CABIN1: variants seen among roughly 807,000 people sequenced by gnomAD.
CABIN1 encodes the protein calcineurin-binding protein cabin-1.
CABIN1 carries 133 observed loss-of-function variants against 227.7 expected under a neutral mutation model. The ratio of observed to expected loss-of-function variants is 0.58; its 90% CI spans 0.51 to 0.67. CABIN1 has a LOEUF of 0.67. Among genes scored for constraint, CABIN1 ranks in the 30% least tolerant of loss-of-function variants. CABIN1 has a pLI of 0.00. For missense variants in CABIN1, 2,408 were observed against 2,852.5 expected, an observed-to-expected ratio of 0.84 and a Z score of 3.55; for synonymous variants, 1,086 against 1,155.1, an observed-to-expected ratio of 0.94 and a Z score of 1.21.
At chr22:24,148,836 G>A (rs568267725) in intron 29 of CABIN1, among the ~76,000 whole-genome samples, 16 of 152,332 alleles carry the variant, frequency 1.1e-4, no homozygotes, top group African/African-American at 3.6e-4. Context: ...TGAGCCCAGC[G>A]GAGGCTGTGG....
rs1372058793 is a variant in CABIN1 at position 24,177,730 on chromosome 22, C to T, written c.6432C>T (p.Phe2144=). The change falls in exon 36 of 37, where the codon TTC becomes TTT. Residue 2144 remains phenylalanine (F), a synonymous_variant. Transcript: ENST00000263119. The surrounding 1 kb of genome is among the most constrained non-coding windows in gnomAD (Gnocchi z 4.4). ...TCATCCCCTCCGCCGCCACCAAGTT[C>T]CCCCCTGAGATCACCGTCACGCCAC... ...KLVIPSAATK[F]PPEITVTPPT... is the part of the protein sequence containing the mutation. 3 of 1,612,350 alleles carry T rather than the reference C, an allele frequency of 1.9e-6. No individual in the cohort carries two copies. Among genetic ancestry groups the T allele is most frequent in the Non-Finnish European group, 2.5e-6 (3 of 1,178,706 alleles).
At position 24,039,978 on chromosome 22, in the gene CABIN1, A is replaced by G. The variant is rs184268723; in HGVS notation, c.211-1161A>G. Among the ~76,000 whole-genome samples, 379 of 152,326 alleles carry G rather than the reference A, an allele frequency of 2.5e-3. 1 individual carries two copies. The highest frequency in any genetic ancestry group is 4.3e-3 in the Non-Finnish European group (294 of 68,028). On this transcript the variant is annotated intron_variant, in intron 4 of 36. Transcript: ENST00000263119. ...TGTCCTAGAGGGACTTGCTCGGGCA[A>G]GCCTTTCAGGGTGGATGGAGAGTGG... is the stretch of plus-strand genomic sequence containing the variant.
rs1244414572 is a variant in CABIN1, at chr22:24,166,723, G to A, written c.5092G>A (p.Asp1698Asn). 1.2e-6 allele frequency: 2 copies of A among 1,612,874 alleles called. No individual in the cohort carries two copies. The highest frequency in any genetic ancestry group is 8.5e-7 in the Non-Finnish European group (1 of 1,180,002). Residue 1698 changes from aspartate to asparagine, a missense_variant, in exon 32 of 37, where the codon GAT becomes AAT. By Grantham distance (23) the Asp-to-Asn change is conservative. Around this residue, in one of 3 missense-constraint regions of CABIN1, gnomAD observed 714 missense variants for 773.8 expected, o/e 0.92. Transcript: ENST00000263119. The part of the protein sequence containing the change: ...TDVSHKASPE[D>N]GQEGLPQPKK... ...TGTCTCACACAAGGCCAGTCCTGAGGATGGCCAGGAGGGCCTCCCCCAGCC... is the reference window on the plus strand; with the variant it reads ...TGTCTCACACAAGGCCAGTCCTGAGAATGGCCAGGAGGGCCTCCCCCAGCC...
chr22:24,119,511 A>G lies in CABIN1; in HGVS notation c.4445A>G (p.Lys1482Arg). The G allele has an allele frequency of 6.2e-7, 1 of 1,614,036 alleles. No individual in the cohort carries two copies. The highest frequency in any genetic ancestry group is 8.5e-7 in the Non-Finnish European group (1 of 1,180,030). Residue 1482 changes from lysine to arginine, a missense_variant, in exon 28 of 37, where the codon AAG (lysine) becomes AGG (arginine). This residue lies in a region of CABIN1 where 649 missense variants were observed against 910.3 expected (regional missense o/e 0.71). Coordinates refer to ENST00000263119, the MANE Select transcript of CABIN1 (RefSeq NM_012295.4). ...ACACCCACCCTGTGGGATGGGAAGA[A>G]GAGAGGGGACCTCCCAGGGGAGCCA... ...ASTPTLWDGK[K>R]RGDLPGEPVA...
chr22:24,038,042 C>T (rs1427807172), intron 3 of CABIN1, among the ~76,000 whole-genome samples: 3 of 152,228 alleles, frequency 2.0e-5, no homozygotes, highest in South Asian at 2.1e-4. Context: ...CGTGCCCTCT[C>T]CAGGTGCGGC....
At chr22:24,083,124 G>A in intron 19 of CABIN1, 104 bp from the exon 20 acceptor site, 1 of 1,190,040 alleles carries the variant, frequency 8.4e-7, no homozygotes. Context: ...AGCCACCTCA[G>A]GTTAAAAGAG....
intron 1 of CABIN1, among the ~76,000 whole-genome samples, chr22:24,030,978 T>C (rs1319021577): frequency 6.6e-6 from 1 of 152,214 alleles, no homozygotes; most frequent in African/African-American, 2.4e-5. Flanking sequence ...GATGCGTTCC[T>C]TTGAGACATT....
intron 28 of CABIN1, among the ~76,000 whole-genome samples, chr22:24,121,043 C>G (rs1349058843): frequency 1.3e-5 from 2 of 152,190 alleles, no homozygotes; most frequent in Non-Finnish European, 2.9e-5. Context: ...CCATTCTGGG[C>G]TGGCATTGGT....
intron 28 of CABIN1, among the ~76,000 whole-genome samples, chr22:24,121,820 T>C (rs984817897): frequency 3.9e-5 from 6 of 152,236 alleles, no homozygotes; most frequent in African/African-American, 1.4e-4. Flanking sequence ...AAGTGCCTCC[T>C]CAGGCAGCCA....
In CABIN1 at chr22:24,056,130, G is replaced by T; in HGVS notation, c.1094-62G>T. Reference sequence around the variant, plus strand: ...ATAAAAGAGGGAGATTGATGTGTCTGTGTGGTGCATTTTTTTCATCCCTGC... The same window carrying T: ...ATAAAAGAGGGAGATTGATGTGTCTTTGTGGTGCATTTTTTTCATCCCTGC... On this transcript the variant is annotated intron_variant, in intron 9 of 36. Transcript: ENST00000263119. 7.2e-6 allele frequency: 10 copies of T among 1,384,356 alleles called. No individual in the cohort carries two copies. The East Asian group carries it at 9.1e-5, about 13-fold the overall frequency. The allele number at this position is 1,384,356 out of a possible 1,614,324, so 85.8% of individuals were successfully genotyped here.
At chr22:24,043,532 A>G (rs2037606275) in intron 6 of CABIN1, among the ~76,000 whole-genome samples, 1 of 152,018 alleles carries the variant, frequency 6.6e-6, no homozygotes, top group Admixed American at 6.6e-5. Context: ...CAGGCAGATC[A>G]CTTGAGCCCA....
chr22:24,075,531 G>C (rs2040379638), intron 18 of CABIN1, among the ~76,000 whole-genome samples: 1 of 152,192 alleles, frequency 6.6e-6, no homozygotes, highest in Non-Finnish European at 1.5e-5. Flanking sequence ...GGCCGAGGCA[G>C]GCCAGGAGTT....
chr22:24,021,566 G>C (rs916428627), intron 1 of CABIN1, among the ~76,000 whole-genome samples: 3 of 152,118 alleles, frequency 2.0e-5, no homozygotes, highest in Non-Finnish European at 4.4e-5. Flanking sequence ...TCCTGAGTAG[G>C]TGAAATTACA....
intron 29 of CABIN1, among the ~76,000 whole-genome samples, chr22:24,147,821 G>A (rs866470005): frequency 3.9e-5 from 6 of 152,154 alleles, no homozygotes; most frequent in Non-Finnish European, 5.9e-5. Context: ...CTTTGTCCTC[G>A]TAGGACACTG....
At chr22:24,104,802 TC>T (rs1307731445) in intron 26 of CABIN1, among the ~76,000 whole-genome samples, 1 of 152,210 alleles carries the variant, frequency 6.6e-6, no homozygotes, top group Non-Finnish European at 1.5e-5. Flanking sequence ...AAATACTAAT[TC>T]CACCCAAGTT....
chr22:24,098,293 G>A (rs767112485), intron 26 of CABIN1, 101 bp downstream of exon 26: 1 of 1,522,972 alleles, frequency 6.6e-7, no homozygotes, highest in Non-Finnish European at 9.0e-7. Context: ...GTGAGGGGGG[G>A]TGCTGGGTCT....
chr22:24,066,773 A>G lies in CABIN1; in HGVS notation c.2038-214A>G, dbSNP rs150196992. 4.7e-3 allele frequency among the ~76,000 whole-genome samples: 715 copies of G among 152,310 alleles called. 8 individuals are homozygous for G. The highest frequency in any genetic ancestry group is 0.016 in the African/African-American group (664 of 41,546). On this transcript the variant is annotated intron_variant, in intron 15 of 36. Coordinates refer to ENST00000263119, the MANE Select transcript of CABIN1 (RefSeq NM_012295.4). ...TTTTTGATGTGCTTGTTTTTTAAAG[A>G]ATTGGATGCCTAGCCATTAATAGAA...
chr22:24,109,387 T>A (rs969172980), intron 26 of CABIN1, among the ~76,000 whole-genome samples: 20 of 151,374 alleles, frequency 1.3e-4, no homozygotes, highest in Admixed American at 3.9e-4. Flanking sequence ...TTTTTTTTTT[T>A]AATTTTTTGT....
chr22:24,046,121 G>A (rs1322578360), intron 6 of CABIN1, among the ~76,000 whole-genome samples: 3 of 152,090 alleles, frequency 2.0e-5, no homozygotes, highest in Non-Finnish European at 2.9e-5. Flanking sequence ...GGTAGAGTCA[G>A]GAAGCGTGTA....
Sources: allele counts gnomAD v4.1 joint callset (sites outside exome capture counted in the v4.1 genomes callset), GRCh38; gene constraint gnomAD v4.1.1; regional missense constraint gnomAD v4.1.1; non-coding constraint Gnocchi (gnomAD v3.1); transcripts MANE v1.5; gene names NCBI Gene and HGNC (gene_info 2026-07-23, HGNC 2026-07-21).